SERPINE2: variants seen among roughly 807,000 people sequenced by gnomAD.
SERPINE2 encodes the protein serpin family E member 2.
A neutral mutation model predicts 36.3 loss-of-function variants in SERPINE2; 14 were observed. The observed-to-expected ratio is 0.39, with a 90% CI of 0.25 to 0.60. SERPINE2 has a LOEUF of 0.60. SERPINE2 is among the 20% of genes least tolerant of loss of function. SERPINE2 has a pLI of 0.57. For missense variants in SERPINE2, 418 were observed against 499.6 expected, an observed-to-expected ratio of 0.84 and a Z score of 1.56; for synonymous variants, 192 against 191.8, an observed-to-expected ratio of 1.00 and a Z score of -0.01.
intron 1 of SERPINE2, among the ~76,000 whole-genome samples, chr2:224,035,692 G>A (rs1692512574): frequency 6.6e-6 from 1 of 152,096 alleles, no homozygotes; most frequent in Non-Finnish European, 1.5e-5. Flanking sequence ...CTGGCTTTTA[G>A]GAGAAGCTAT....
At chr2:224,004,589 C>T (rs144992492) in intron 1 of SERPINE2, among the ~76,000 whole-genome samples, 41 of 152,282 alleles carry the variant, frequency 2.7e-4, no homozygotes, top group African/African-American at 9.4e-4. Context: ...GCGTCCAAAT[C>T]ATGACCGTGG....
intron 1 of SERPINE2, among the ~76,000 whole-genome samples, chr2:224,028,480 C>T (rs1037854189): frequency 1.3e-5 from 2 of 152,174 alleles, no homozygotes; most frequent in South Asian, 4.1e-4. Context: ...TCTGTGAGGC[C>T]GTGCATCACT....
At position 223,991,879 on chromosome 2, in the gene SERPINE2, CT is replaced by C; in HGVS notation, c.608del (p.Lys203ArgfsTer52). 1 of 1,613,440 alleles carries C rather than the reference CT, an allele frequency of 6.2e-7. No individual in the cohort carries two copies. The highest frequency in any genetic ancestry group is 8.5e-7 in the Non-Finnish European group (1 of 1,179,734). On this transcript the variant is annotated frameshift_variant, in exon 4 of 9. Coordinates refer to ENST00000409304, the MANE Select transcript of SERPINE2 (RefSeq NM_001136528.2). LOFTEE classifies it high-confidence loss of function. ...WKSRFQPENT[K>X]KRTFVAADGK... ...CGTCGGCTGCCACGAAAGTGCGTTT[CT>C]TTGTGTTCTCGGGTTGGAACCGTGA... is the stretch of plus-strand genomic sequence containing the variant.
intron 3 of SERPINE2, 53 bp downstream of exon 3, chr2:223,998,062 C>T: frequency 6.9e-7 from 1 of 1,449,436 alleles, no homozygotes; most frequent in Non-Finnish European, 9.7e-7. Context: ...TGGAGTCTAA[C>T]TCATGCTTCA....
chr2:224,027,094 CCCTCTG>C (rs1477567356), intron 1 of SERPINE2, among the ~76,000 whole-genome samples: 1 of 152,214 alleles, frequency 6.6e-6, no homozygotes, highest in Non-Finnish European at 1.5e-5. Context: ...GCCAACATTT[CCCTCTG>C]CAGAGAGATT....
chr2:224,031,043 G>A (rs569039752), intron 1 of SERPINE2: 4 of 985,192 alleles, frequency 4.1e-6, no homozygotes, highest in African/African-American at 1.8e-5. Flanking sequence ...CACGCAGCAC[G>A]GCGAGGAGGT....
intron 1 of SERPINE2, chr2:224,031,447 C>G (rs760136061): frequency 1.0e-6 from 1 of 985,534 alleles, no homozygotes; most frequent in Non-Finnish European, 1.2e-6. Flanking sequence ...CAGCACGGTC[C>G]TCTCCACTCC....
chr2:224,017,790 C>T (rs956026925), intron 1 of SERPINE2, among the ~76,000 whole-genome samples: 1 of 152,202 alleles, frequency 6.6e-6, no homozygotes, highest in Non-Finnish European at 1.5e-5. Flanking sequence ...TGAGGCCCCA[C>T]TCGAAGCTGG....
chr2:224,005,166 T>A (rs113640203), intron 1 of SERPINE2, among the ~76,000 whole-genome samples: 2,246 of 147,806 alleles, frequency 0.015, 50 homozygotes, highest in African/African-American at 0.053. Context: ...TGTCTTAAAG[T>A]CACAAGGACA....
chr2:224,008,066 C>T (rs1691492456), intron 1 of SERPINE2, among the ~76,000 whole-genome samples: 1 of 152,236 alleles, frequency 6.6e-6, no homozygotes, highest in Non-Finnish European at 1.5e-5. Context: ...TTATGTGGCC[C>T]TCTACGTGAA....
At chr2:224,014,172 C>T (rs926752078) in intron 1 of SERPINE2, among the ~76,000 whole-genome samples, 3 of 152,028 alleles carry the variant, frequency 2.0e-5, no homozygotes, top group African/African-American at 7.2e-5. Flanking sequence ...GTCAGGAGAT[C>T]GAGACCATCC....
chr2:224,012,895 G>C (rs1200935613), intron 1 of SERPINE2, among the ~76,000 whole-genome samples: 2 of 152,056 alleles, frequency 1.3e-5, no homozygotes, highest in Non-Finnish European at 2.9e-5. Context: ...AATAAAAATG[G>C]TATTTACTGG....
At chr2:223,990,386 A>G (rs2106148294) in intron 4 of SERPINE2, among the ~76,000 whole-genome samples, 1 of 152,328 alleles carries the variant, frequency 6.6e-6, no homozygotes, top group Non-Finnish European at 1.5e-5. Context: ...AGCTACCCTG[A>G]CATGTAACTC....
intron 4 of SERPINE2, among the ~76,000 whole-genome samples, chr2:223,987,487 T>G (rs1460497070): frequency 6.6e-6 from 1 of 152,168 alleles, no homozygotes; most frequent in Non-Finnish European, 1.5e-5. Flanking sequence ...TACCCGATGC[T>G]CTCTATTCTT....
chr2:223,996,983 G>A (rs2106157631), intron 3 of SERPINE2, among the ~76,000 whole-genome samples: 1 of 152,270 alleles, frequency 6.6e-6, no homozygotes, highest in African/African-American at 2.4e-5. Flanking sequence ...AGGCTGAGGT[G>A]GGAGGATTAC....
At chr2:224,006,773 A>C (rs1350321727) in intron 1 of SERPINE2, among the ~76,000 whole-genome samples, 1 of 152,232 alleles carries the variant, frequency 6.6e-6, no homozygotes, top group Admixed American at 6.5e-5. Flanking sequence ...AAAATGTCAC[A>C]AGTCTAGATT....
Position 223,986,717 on chromosome 2 carries a change from G to C in SERPINE2, c.686-1767C>G, listed in dbSNP as rs952666641. 7.2e-5 allele frequency among the ~76,000 whole-genome samples: 11 copies of C among 152,306 alleles called. No individual in the cohort carries two copies. In the East Asian group the frequency reaches 1.2e-3, roughly 16 times the overall value. ...ATGAATAATGAAAAGTTATGAGCTG[G>C]AATGTGTTCAAGGGAGGAGAGAGAT... On this transcript the variant is annotated intron_variant, in intron 4 of 8. Transcript: ENST00000409304.
chr2:224,035,992 CAA>C (rs58116674), intron 1 of SERPINE2, among the ~76,000 whole-genome samples: 1 of 151,364 alleles, frequency 6.6e-6, no homozygotes, highest in East Asian at 2.0e-4. Flanking sequence ...GAACCACTGC[CAA>C]AAAAAAACGG....
At chr2:224,032,129 T>C (rs1692399515) in intron 1 of SERPINE2, among the ~76,000 whole-genome samples, 1 of 152,248 alleles carries the variant, frequency 6.6e-6, no homozygotes, top group Admixed American at 6.5e-5. Flanking sequence ...AAGAATAACT[T>C]CTTGAGTGGA....
Sources: gnomAD v4.1 joint callset for allele counts (sites outside exome capture counted in the v4.1 genomes callset) on GRCh38, gnomAD v4.1.1 for gene constraint, MANE v1.5 for transcripts, NCBI Gene and HGNC (gene_info 2026-07-23, HGNC 2026-07-21) for gene names.